Variants in PVT1 observed in about 807,000 individuals in gnomAD.
PVT1 encodes the protein Pvt1 oncogene, also known as CXCR4/PVT1 fusion.
intron 2 of PVT1, among the ~76,000 whole-genome samples, chr8:127,881,409 ATAT>A (rs916544267): frequency 4.8e-5 from 7 of 145,516 alleles, no homozygotes; most frequent in South Asian, 2.1e-4. Flanking sequence ...AATAATAATA[ATAT>A]TATTATTAAT....
intron 3 of PVT1, among the ~76,000 whole-genome samples, chr8:127,959,075 G>A (rs556278766): frequency 2.0e-5 from 3 of 152,268 alleles, no homozygotes; most frequent in African/African-American, 7.2e-5. Context: ...GCTCAGGCCT[G>A]CAGAGCTTCT....
intron 2 of PVT1, among the ~76,000 whole-genome samples, chr8:127,827,479 C>A (rs2129691259): frequency 6.6e-6 from 1 of 152,312 alleles, no homozygotes. Context: ...CCTGACTGAG[C>A]AGCCCTGAGG....
intron 3 of PVT1, among the ~76,000 whole-genome samples, chr8:127,907,862 G>C (rs1003864183): frequency 2.0e-5 from 3 of 151,856 alleles, no homozygotes; most frequent in African/African-American, 7.2e-5. Flanking sequence ...TGGGATGGGA[G>C]GGGGGTAGCT....
At chr8:127,984,842 T>TTTCTTTCTTTCC (rs1816927338) in intron 3 of PVT1, among the ~76,000 whole-genome samples, 4 of 53,916 alleles carry the variant, frequency 7.4e-5, no homozygotes, top group African/African-American at 3.7e-4. Context: ...TTTTCTTTTC[T>TTTCTTTCTTTCC]TTCTTTCTTT....
At chr8:128,042,630 A>G (rs573595480) in intron 4 of PVT1, among the ~76,000 whole-genome samples, 11 of 152,262 alleles carry the variant, frequency 7.2e-5, no homozygotes, top group Middle Eastern at 3.4e-3. Flanking sequence ...TGTGAGGAAT[A>G]CTAACTGGTA....
chr8:127,828,733 C>G (rs1295665767), intron 2 of PVT1, among the ~76,000 whole-genome samples: 1 of 152,050 alleles, frequency 6.6e-6, no homozygotes, highest in South Asian at 2.1e-4. Flanking sequence ...GGTGCAGGTC[C>G]GCCCCCCCAG....
intron 2 of PVT1, among the ~76,000 whole-genome samples, chr8:127,872,509 G>A (rs1815362390): frequency 6.6e-6 from 1 of 152,144 alleles, no homozygotes; most frequent in South Asian, 2.1e-4. Context: ...TTACCCTGAA[G>A]GGATTATTAT....
intron 3 of PVT1, among the ~76,000 whole-genome samples, chr8:127,988,000 T>C (rs778287152): frequency 6.6e-6 from 1 of 152,142 alleles, no homozygotes; most frequent in Non-Finnish European, 1.5e-5. Flanking sequence ...CTGCACTGAA[T>C]GGGAGGAGGC....
chr8:128,062,340 G>A (rs947116507), intron 4 of PVT1, among the ~76,000 whole-genome samples: 1 of 152,152 alleles, frequency 6.6e-6, no homozygotes, highest in Non-Finnish European at 1.5e-5. Flanking sequence ...GTTTCTGAAG[G>A]CCACATTATC....
intron 3 of PVT1, among the ~76,000 whole-genome samples, chr8:127,978,630 C>T (rs1014067782): frequency 2.2e-4 from 34 of 152,016 alleles, no homozygotes; most frequent in African/African-American, 6.8e-4. Context: ...ATTACAGGCA[C>T]GTGCCACCAC....
At chr8:127,846,288 G>C (rs771986592) in intron 2 of PVT1, among the ~76,000 whole-genome samples, 1 of 152,204 alleles carries the variant, frequency 6.6e-6, no homozygotes, top group Non-Finnish European at 1.5e-5. Flanking sequence ...TTGAGTCCCT[G>C]GTGGGTGTCC....
chr8:127,855,411 T>C (rs1438581774), intron 2 of PVT1: 1 of 390,328 alleles, frequency 2.6e-6, no homozygotes, highest in Non-Finnish European at 4.5e-6. Flanking sequence ...TTGTTGACGC[T>C]GTAAAGTGTC....
chr8:128,083,301 G>A (rs1814213303), intron 5 of PVT1, among the ~76,000 whole-genome samples: 1 of 152,230 alleles, frequency 6.6e-6, no homozygotes, highest in Non-Finnish European at 1.5e-5. Flanking sequence ...CTGCAGATGT[G>A]CTTGTCAAAG....
chr8:128,002,571 G>T (rs891239061), intron 4 of PVT1, among the ~76,000 whole-genome samples: 2 of 152,100 alleles, frequency 1.3e-5, no homozygotes, highest in Non-Finnish European at 2.9e-5. Context: ...CTCTCTCCCG[G>T]CCTCTGCTGG....
intron 3 of PVT1, among the ~76,000 whole-genome samples, chr8:127,980,040 C>T (rs981058091): frequency 8.3e-5 from 12 of 145,452 alleles, no homozygotes; most frequent in Non-Finnish European, 1.6e-4. Context: ...CCACAGCATC[C>T]GGCTAATTTT....
intron 4 of PVT1, among the ~76,000 whole-genome samples, chr8:128,039,026 G>T (rs139459841): frequency 3.3e-5 from 5 of 152,276 alleles, no homozygotes; most frequent in African/African-American, 1.2e-4. Context: ...GGGGAGGGAC[G>T]GATCAGCTCC....
At chr8:128,028,635 T>G (rs1208505100) in intron 4 of PVT1, among the ~76,000 whole-genome samples, 1 of 152,172 alleles carries the variant, frequency 6.6e-6, no homozygotes, top group African/African-American at 2.4e-5. Flanking sequence ...CTTCTGTAAG[T>G]GGGGAGCATA....
chr8:127,843,504 G>A lies in PVT1; in HGVS notation n.373-47085G>A, dbSNP rs564224769. ...GTTGCCCAGGCTGGAGTGCAGTGGC[G>A]CGGTCTCGGCTCACTGTAAGCTCCG... On this transcript the variant is annotated intron_variant and non_coding_transcript_variant, in intron 2 of 10. Transcript: ENST00000651587. Among the ~76,000 whole-genome samples, 202 of 152,036 alleles carry A rather than the reference G, an allele frequency of 1.3e-3. 1 individual carries two copies. The highest frequency in any genetic ancestry group is 4.6e-3 in the African/African-American group (191 of 41,474).
At chr8:128,014,439 A>T (rs1817349203) in intron 4 of PVT1, among the ~76,000 whole-genome samples, 1 of 152,204 alleles carries the variant, frequency 6.6e-6, no homozygotes, top group African/African-American at 2.4e-5. Context: ...CTAGAAGCTG[A>T]CTAATTATGA....
Sources: allele counts gnomAD v4.1 joint callset (sites outside exome capture counted in the v4.1 genomes callset), GRCh38; gene constraint gnomAD v4.1.1; transcripts MANE v1.5; gene names NCBI Gene and HGNC (gene_info 2026-07-23, HGNC 2026-07-21).